Variants in KCNMA1 observed in about 807,000 individuals in gnomAD.
The protein encoded by KCNMA1 is Calcium-activated potassium channel subunit alpha-1.
In KCNMA1, 29 loss-of-function variants were observed where a neutral mutation model predicts 140.0. The observed-to-expected ratio is 0.21, with a 90% CI of 0.15 to 0.28. The LOEUF is 0.28. KCNMA1 is among the 10% of genes least tolerant of loss of function. The pLI is 1.00. For missense variants in KCNMA1, 880 were observed against 1,602.2 expected (o/e 0.55, Z 7.70); for synonymous variants, 612 against 611.9 (o/e 1.00, Z 0.00).
intron 5 of KCNMA1, among the ~76,000 whole-genome samples, chr10:77,158,604 C>T (rs1049095748): frequency 2.0e-5 from 3 of 152,082 alleles, no homozygotes; most frequent in Non-Finnish European, 4.4e-5. Flanking sequence ...TAACTGGGGT[C>T]AAAGCCAGGC....
intron 1 of KCNMA1, among the ~76,000 whole-genome samples, chr10:77,535,443 T>C (rs1455885179): frequency 6.6e-6 from 1 of 152,224 alleles, no homozygotes; most frequent in African/African-American, 2.4e-5. Context: ...ACACTGTTGG[T>C]GGGAATGTAA....
At chr10:77,230,414 C>T (rs544511600) in intron 3 of KCNMA1, among the ~76,000 whole-genome samples, 2 of 152,258 alleles carry the variant, frequency 1.3e-5, no homozygotes, top group Non-Finnish European at 2.9e-5. Context: ...GTATCGTACA[C>T]ATTAAAATGG....
chr10:77,589,417 A>C (rs980675541), intron 1 of KCNMA1, among the ~76,000 whole-genome samples: 3 of 152,104 alleles, frequency 2.0e-5, no homozygotes, highest in Non-Finnish European at 4.4e-5. Flanking sequence ...TTCCAACTGC[A>C]CAAACAACGT....
chr10:77,210,905 A>C (rs1395631047), intron 3 of KCNMA1, among the ~76,000 whole-genome samples: 1 of 152,220 alleles, frequency 6.6e-6, no homozygotes, highest in Non-Finnish European at 1.5e-5. Context: ...CTGCTGAAAG[A>C]AGTCAGAGAC....
intron 10 of KCNMA1, among the ~76,000 whole-genome samples, chr10:77,088,386 G>T (rs1472832661): frequency 1.3e-5 from 2 of 152,196 alleles, no homozygotes; most frequent in East Asian, 3.9e-4. Flanking sequence ...GGATGTTAGG[G>T]ATACAAAGGT....
chr10:77,290,392 G>GT (rs2072769009), intron 2 of KCNMA1, among the ~76,000 whole-genome samples: 1 of 152,194 alleles, frequency 6.6e-6, no homozygotes, highest in Admixed American at 6.5e-5. Context: ...GGTGCTTGCA[G>GT]TAAGAAGTCA....
intron 2 of KCNMA1, among the ~76,000 whole-genome samples, chr10:77,302,824 G>A (rs1294757899): frequency 6.6e-6 from 1 of 152,110 alleles, no homozygotes; most frequent in East Asian, 1.9e-4. Context: ...TGAAGAGGTG[G>A]GGGTTAATCA....
At chr10:77,518,251 G>T (rs1191748406) in intron 1 of KCNMA1, among the ~76,000 whole-genome samples, 3 of 152,170 alleles carry the variant, frequency 2.0e-5, no homozygotes, top group Non-Finnish European at 4.4e-5. Context: ...TCTGAAGTTA[G>T]TTTATTATTT....
chr10:76,979,640 A>G (rs1004347506), intron 19 of KCNMA1: 1 of 152,174 alleles, frequency 6.6e-6, no homozygotes, highest in Non-Finnish European at 1.5e-5. Flanking sequence ...TATATGTGAA[A>G]CTGTTTTCTA....
chr10:77,104,369 C>A (rs1013964653), intron 9 of KCNMA1, among the ~76,000 whole-genome samples: 1 of 152,186 alleles, frequency 6.6e-6, no homozygotes, highest in Non-Finnish European at 1.5e-5. Flanking sequence ...TAGTCCATGA[C>A]AACTATTCCC....
intron 2 of KCNMA1, among the ~76,000 whole-genome samples, chr10:77,337,445 C>A (rs78728839): frequency 1.3e-5 from 2 of 152,046 alleles, no homozygotes; most frequent in African/African-American, 4.8e-5. Flanking sequence ...ATAGTGAAAC[C>A]CCTTCTCTAC....
chr10:77,199,937 T>C (rs142117583), intron 3 of KCNMA1, among the ~76,000 whole-genome samples: 1 of 152,220 alleles, frequency 6.6e-6, no homozygotes, highest in East Asian at 1.9e-4. Flanking sequence ...CAGAAGTTTA[T>C]TTATTTTTTA....
intron 2 of KCNMA1, among the ~76,000 whole-genome samples, chr10:77,267,928 G>C (rs1473757036): frequency 1.3e-5 from 2 of 152,162 alleles, no homozygotes; most frequent in African/African-American, 4.8e-5. Flanking sequence ...ACTGATTTCT[G>C]ATGGCATTTT....
At chr10:77,562,580 T>G (rs1480424399) in intron 1 of KCNMA1, among the ~76,000 whole-genome samples, 1 of 152,226 alleles carries the variant, frequency 6.6e-6, no homozygotes, top group Non-Finnish European at 1.5e-5. Context: ...AATGAAAATG[T>G]AAAGGTGGCC....
At chr10:77,537,419 A>G (rs997639159) in intron 1 of KCNMA1, among the ~76,000 whole-genome samples, 3 of 152,132 alleles carry the variant, frequency 2.0e-5, no homozygotes, top group African/African-American at 7.2e-5. Context: ...GCCCCCACCC[A>G]GGGCCCACCT....
In KCNMA1 at chr10:77,307,314, A is replaced by G. The variant is rs188182203; in HGVS notation, c.541-56058T>C. Among the ~76,000 whole-genome samples, 9 of 152,296 alleles carry G rather than the reference A, an allele frequency of 5.9e-5. No individual in the cohort carries two copies. The East Asian group carries it at 9.7e-4, about 16-fold the overall frequency. ...ATGCAGACACAGTCCCCAACTTACA[A>G]TGGCTCAACTTATGATTTTTTGAGT... On this transcript the variant is annotated intron_variant, in intron 2 of 27. Transcript: ENST00000286628.
chr10:77,149,376 T>C (rs1404358780), intron 5 of KCNMA1, among the ~76,000 whole-genome samples: 2 of 152,246 alleles, frequency 1.3e-5, no homozygotes, highest in Non-Finnish European at 2.9e-5. Flanking sequence ...AGTCTCATTT[T>C]GTAATTCTAA....
intron 1 of KCNMA1, among the ~76,000 whole-genome samples, chr10:77,488,121 C>T (rs1419610472): frequency 6.6e-6 from 1 of 152,142 alleles, no homozygotes; most frequent in Non-Finnish European, 1.5e-5. Flanking sequence ...ATTAGGTGGC[C>T]CAACGATGTC....
intron 1 of KCNMA1, among the ~76,000 whole-genome samples, chr10:77,500,127 A>G (rs1469672843): frequency 6.6e-6 from 1 of 151,592 alleles, no homozygotes; most frequent in Non-Finnish European, 1.5e-5. Flanking sequence ...AAAAATTTAA[A>G]TATCTATTAC....
Sources: allele counts gnomAD v4.1 joint callset (sites outside exome capture counted in the v4.1 genomes callset), GRCh38; gene constraint gnomAD v4.1.1; transcripts MANE v1.5; gene names NCBI Gene and HGNC (gene_info 2026-07-23, HGNC 2026-07-21).